The following GANC variants were observed in gnomAD, a reference collection of about 807,000 sequenced individuals.
GANC encodes the protein neutral alpha-glucosidase C.
A neutral mutation model predicts 124.2 loss-of-function variants in GANC; 117 were observed. The observed-to-expected ratio is 0.94, with a 90% CI of 0.81 to 1.10. The LOEUF (loss-of-function observed/expected upper bound fraction) is 1.10. Among genes scored for constraint, GANC ranks in the 50% least tolerant of loss-of-function variants. The pLI, the probability that GANC is intolerant of heterozygous loss-of-function variation, is 0.00. For missense variants in GANC, 1,140 were observed against 1,095.0 expected (o/e 1.04, Z -0.58); for synonymous variants, 377 against 376.8 (o/e 1.00, Z -0.01).
intron 16 of GANC, among the ~76,000 whole-genome samples, chr15:42,339,424 T>C (rs1184854165): frequency 6.6e-6 from 1 of 151,990 alleles, no homozygotes; most frequent in African/African-American, 2.4e-5. Flanking sequence ...TACAGGAATA[T>C]TGATCTTGAA....
intron 15 of GANC, among the ~76,000 whole-genome samples, chr15:42,337,928 G>A (rs1426331558): frequency 6.6e-6 from 1 of 152,052 alleles, no homozygotes; most frequent in South Asian, 2.1e-4. Context: ...AGGAGTGATG[G>A]TGCACACTTG....
intron 15 of GANC, among the ~76,000 whole-genome samples, 170 bp from the exon 16 acceptor site, chr15:42,338,219 C>T (rs2052298761): frequency 1.3e-5 from 2 of 152,064 alleles, no homozygotes; most frequent in African/African-American, 2.4e-5. Flanking sequence ...TAACTTTTCA[C>T]GTTAGAAAAT....
Position 42,274,441 on chromosome 15 carries a change from T to C in GANC, c.-41T>C, listed in dbSNP as rs571999846. The C allele has an allele frequency of 1.9e-6, 3 of 1,603,750 alleles. No individual in the cohort carries two copies. In the South Asian group the frequency reaches 3.4e-5, roughly 18 times the overall value. ...TTTTTAAAAGATCGCCCAGGGCCCTTGTCCTGAGAGCTGGGAGCTGGTCGG... is the reference window on the plus strand; with the variant it reads ...TTTTTAAAAGATCGCCCAGGGCCCTCGTCCTGAGAGCTGGGAGCTGGTCGG... On this transcript the variant is annotated 5_prime_UTR_variant, in exon 1 of 24. Coordinates refer to ENST00000318010, the MANE Select transcript of GANC (RefSeq NM_198141.3).
chr15:42,282,492 AGAGG>A (rs1322903515), intron 3 of GANC, among the ~76,000 whole-genome samples: 1 of 152,206 alleles, frequency 6.6e-6, no homozygotes, highest in Admixed American at 6.5e-5. Flanking sequence ...TTTCAGGTCA[AGAGG>A]GACAGCCCAG....
At chr15:42,296,282 C>G (rs1307616133) in intron 5 of GANC, among the ~76,000 whole-genome samples, 2 of 151,966 alleles carry the variant, frequency 1.3e-5, no homozygotes, top group African/African-American at 4.8e-5. Context: ...TACTCTTACT[C>G]TCTTTTGATT....
In GANC at chr15:42,326,366, T is replaced by A; in HGVS notation, c.1362T>A (p.Asp454Glu). 6.2e-7 allele frequency: 1 copy of A among 1,614,124 alleles called. No homozygotes were observed. Among genetic ancestry groups the A allele is most frequent in the Non-Finnish European group, 8.5e-7 (1 of 1,179,988 alleles). ...PDYSVYVKAK[D>E]QGFFVKNQEG... is the part of the protein sequence containing the mutation. ...ACTCAGTATATGTGAAGGCCAAAGA[T>A]CAGGGCTTCTTTGTGAAGAATCAGG... Residue 454 changes from aspartate to glutamate, a missense_variant, in exon 12 of 24, where the codon GAT (aspartate) becomes GAA (glutamate). Transcript: ENST00000318010.
chr15:42,353,393 G>A lies in GANC; in HGVS notation c.*1254G>A, dbSNP rs531170362. 21 of 979,652 alleles carry A rather than the reference G, an allele frequency of 2.1e-5. No individual in the cohort carries two copies. In the East Asian group the frequency reaches 3.4e-4, roughly 16 times the overall value. 60.7% of individuals were successfully genotyped at this position (979,652 alleles called of 1,614,324 possible). ...CCACTTTCCCATGAAGCCTAACTGC[G>A]TGAACACCCCTACCCCCATACCCAT... On this transcript the variant is annotated 3_prime_UTR_variant, in exon 24 of 24. Coordinates refer to ENST00000318010, the MANE Select transcript of GANC (RefSeq NM_198141.3).
chr15:42,317,218 CAG>C (rs1167482557), intron 10 of GANC, among the ~76,000 whole-genome samples: 1 of 152,104 alleles, frequency 6.6e-6, no homozygotes, highest in Non-Finnish European at 1.5e-5. Context: ...ATACATGTAA[CAG>C]AATATTATTC....
rs1328996134 is a variant in GANC, at chr15:42,283,977, C to A, written c.202-3714C>A. 3 of 702,550 alleles carry A rather than the reference C, an allele frequency of 4.3e-6. No homozygotes were observed. The South Asian group carries it at 4.4e-5, about 10-fold the overall frequency. 43.5% of individuals were successfully genotyped at this position (702,550 alleles called of 1,614,324 possible). A position where few individuals can be genotyped will look rare whatever the true frequency, so the allele number is the denominator to read the frequency against. ...CAACTGGCTGCAACTGTAGAAGGGA[C>A]AATTAGTGTCCTACAGCAATTTAAT... On this transcript the variant is annotated intron_variant, in intron 3 of 23. Transcript: ENST00000318010.
intron 8 of GANC, among the ~76,000 whole-genome samples, chr15:42,308,850 A>G (rs7163941): frequency 0.91 from 138,410 of 152,130 alleles, 64,322 homozygotes; most frequent in Non-Finnish European, 1. Flanking sequence ...ATAATACTGA[A>G]CCTAGAAATA....
At chr15:42,338,198 G>T (rs1210549777) in intron 15 of GANC, among the ~76,000 whole-genome samples, 191 bp from the exon 16 acceptor site, 3 of 152,170 alleles carry the variant, frequency 2.0e-5, no homozygotes, top group Admixed American at 6.5e-5. Flanking sequence ...TGTTTGTTTT[G>T]TAGATTTTAA....
At chr15:42,287,215 G>T (rs16973006) in intron 3 of GANC, among the ~76,000 whole-genome samples, 1,566 of 152,268 alleles carry the variant, frequency 0.01, 25 homozygotes, top group African/African-American at 0.035. Flanking sequence ...GAACTCCAAT[G>T]ATCATCATTT....
In GANC at chr15:42,321,971, TC is replaced by T. The variant is rs768140579; in HGVS notation, c.1247del (p.Pro416GlnfsTer35). The T allele has an allele frequency of 6.8e-6, 11 of 1,613,848 alleles. No individual in the cohort carries two copies. In the East Asian group the frequency reaches 2.0e-4, roughly 29 times the overall value. ...KRYFTWDKNR[F>X]PNPKRMQELL... ...TACTTCACCTGGGACAAAAACAGAT[TC>T]CCAAACCCCAAGAGGATGCAAGAGC... On this transcript the variant is annotated frameshift_variant, in exon 11 of 24. Transcript: ENST00000318010. LOFTEE classifies it high-confidence loss of function.
chr15:42,301,727 A>G (rs2051947884), intron 6 of GANC, among the ~76,000 whole-genome samples: 1 of 152,236 alleles, frequency 6.6e-6, no homozygotes, highest in Non-Finnish European at 1.5e-5. Context: ...CAGTCTAAAC[A>G]GAGGCACCTG....
At chr15:42,274,623 T>C in intron 1 of GANC, 113 bp downstream of exon 1, 1 of 1,061,088 alleles carries the variant, frequency 9.4e-7, no homozygotes. Flanking sequence ...CTTTATCTTT[T>C]CTCTCAATTC....
chr15:42,284,323 A>G (rs766265910), intron 3 of GANC: 7 of 289,476 alleles, frequency 2.4e-5, no homozygotes, highest in Non-Finnish European at 4.5e-5. Flanking sequence ...CTATGCTTGA[A>G]GACATAGACA....
chr15:42,286,928 G>A (rs2051794842), intron 3 of GANC, among the ~76,000 whole-genome samples: 1 of 152,208 alleles, frequency 6.6e-6, no homozygotes, highest in African/African-American at 2.4e-5. Context: ...TGGCCCACCA[G>A]TTGAAAACCA....
chr15:42,332,600 T>C (rs958490441), intron 15 of GANC, among the ~76,000 whole-genome samples: 1 of 152,202 alleles, frequency 6.6e-6, no homozygotes, highest in Non-Finnish European at 1.5e-5. Context: ...TTATGTGAGC[T>C]TTCTTTCTTG....
intron 11 of GANC, among the ~76,000 whole-genome samples, chr15:42,324,263 T>TAA (rs144756412): frequency 6.8e-6 from 1 of 147,252 alleles, no homozygotes; most frequent in African/African-American, 2.5e-5. Context: ...GACTACTATT[T>TAA]AAAAAAAAAA....
Sources: gnomAD v4.1 joint callset for allele counts (sites outside exome capture counted in the v4.1 genomes callset) on GRCh38, gnomAD v4.1.1 for gene constraint, MANE v1.5 for transcripts, NCBI Gene and HGNC (gene_info 2026-07-23, HGNC 2026-07-21) for gene names.